The following ALDH1A1 variants were observed in gnomAD, a reference collection of about 807,000 sequenced individuals.
ALDH1A1 encodes aldehyde dehydrogenase 1 family member A1, also known as aldehyde dehydrogenase 1A1.
In ALDH1A1, 19 loss-of-function variants were observed where a neutral mutation model predicts 62.1. The ratio of observed to expected loss-of-function variants is 0.31; its 90% CI spans 0.21 to 0.45. The LOEUF is 0.45. Among genes scored for constraint, ALDH1A1 ranks in the 20% least tolerant of loss-of-function variants. The probability of loss-of-function intolerance (pLI) is 1.00; values close to 1 mark genes in which losing one functional copy is unlikely to be tolerated. For synonymous variants in ALDH1A1, 231 were observed against 215.9 expected (o/e 1.07, Z -0.61); for missense variants, 521 against 607.1 (o/e 0.86, Z 1.49).
chr9:72,934,155 C>T (rs1830319726), intron 2 of ALDH1A1, among the ~76,000 whole-genome samples: 1 of 152,126 alleles, frequency 6.6e-6, no homozygotes, highest in South Asian at 2.1e-4. Flanking sequence ...TTCCTGGGTT[C>T]AAGCAACCTG....
intron 7 of ALDH1A1, among the ~76,000 whole-genome samples, chr9:72,922,212 T>G (rs1179766550): frequency 6.6e-6 from 1 of 152,188 alleles, no homozygotes; most frequent in African/African-American, 2.4e-5. Flanking sequence ...AATTGTATTC[T>G]GTACAACTCA....
At chr9:72,937,519 A>G (rs889619329) in intron 2 of ALDH1A1, among the ~76,000 whole-genome samples, 1 of 152,192 alleles carries the variant, frequency 6.6e-6, no homozygotes, top group Non-Finnish European at 1.5e-5. Context: ...AGCATTTTCT[A>G]TCTCCTCATT....
intron 2 of ALDH1A1, among the ~76,000 whole-genome samples, chr9:72,935,083 T>C (rs1830332225): frequency 6.6e-6 from 1 of 152,210 alleles, no homozygotes; most frequent in Non-Finnish European, 1.5e-5. Context: ...CCTTACATAA[T>C]TAATTTAACT....
At chr9:72,952,614 T>A (rs1361847870) in intron 1 of ALDH1A1, among the ~76,000 whole-genome samples, 8 of 151,996 alleles carry the variant, frequency 5.3e-5, no homozygotes, top group Admixed American at 3.3e-4. Flanking sequence ...TTTGCTCTCT[T>A]ATCATACATG....
chr9:72,923,804 A>G (rs910593902), intron 7 of ALDH1A1: 11 of 352,296 alleles, frequency 3.1e-5, no homozygotes, highest in African/African-American at 6.4e-5. Flanking sequence ...TACTAAAAAT[A>G]GTTTACTCTC....
chr9:72,919,177 C>A (rs755922481), intron 7 of ALDH1A1, among the ~76,000 whole-genome samples: 6 of 152,098 alleles, frequency 3.9e-5, no homozygotes, highest in Non-Finnish European at 8.8e-5. Flanking sequence ...AGATATAGAA[C>A]ACGGATAAGT....
At chr9:72,917,855 G>A (rs1455396836) in intron 8 of ALDH1A1, among the ~76,000 whole-genome samples, 1 of 152,044 alleles carries the variant, frequency 6.6e-6, no homozygotes, top group African/African-American at 2.4e-5. Flanking sequence ...ATAGCAACTG[G>A]GTATGATTAT....
At chr9:72,917,386 C>A (rs2118510380) in intron 8 of ALDH1A1, among the ~76,000 whole-genome samples, 1 of 151,972 alleles carries the variant, frequency 6.6e-6, no homozygotes, top group East Asian at 1.9e-4. Flanking sequence ...GAGACCAAAT[C>A]TCTTTGGAAA....
At chr9:72,909,479 G>A (rs1829952312) in intron 11 of ALDH1A1, 123 bp downstream of exon 11, 2 of 970,646 alleles carry the variant, frequency 2.1e-6, no homozygotes, top group South Asian at 2.2e-5. Flanking sequence ...TTTCAAGGCA[G>A]CAACTGCTTT....
At position 72,925,358 on chromosome 9, in the gene ALDH1A1, G is replaced by A. The variant is rs550293908; in HGVS notation, c.633+126C>T. 431 of 1,092,100 alleles carry A rather than the reference G, an allele frequency of 3.9e-4. 7 individuals are homozygous for A. The South Asian group carries it at 6.9e-3, about 18-fold the overall frequency. 67.7% of individuals were successfully genotyped at this position (1,092,100 alleles called of 1,614,324 possible). On this transcript the variant is annotated intron_variant, in intron 6 of 12. Transcript: ENST00000297785. ...ATTGCAGCCAGCCGTCATGCTAAAT[G>A]TATTCCCCCCACTGGACAGGAGCCA... is the stretch of plus-strand genomic sequence containing the variant.
intron 9 of ALDH1A1, 127 bp downstream of exon 9, chr9:72,916,793 C>T (rs1269941702): frequency 5.7e-6 from 4 of 701,580 alleles, no homozygotes; most frequent in Non-Finnish European, 8.3e-6. Flanking sequence ...AAACACCAAA[C>T]TGGCACAGCA....
At chr9:72,903,489 G>A (rs1183532949) in intron 12 of ALDH1A1, among the ~76,000 whole-genome samples, 1 of 151,644 alleles carries the variant, frequency 6.6e-6, no homozygotes, top group African/African-American at 2.4e-5. Context: ...TGAGGTTATC[G>A]CCTGAGTAAT....
intron 11 of ALDH1A1, among the ~76,000 whole-genome samples, chr9:72,908,583 GA>G (rs1310285541): frequency 3.1e-5 from 4 of 129,100 alleles, no homozygotes; most frequent in South Asian, 2.8e-4. Flanking sequence ...AAGAAAGAAA[GA>G]AAGAAAGAAA....
Position 72,930,945 on chromosome 9 carries a change from A to G in ALDH1A1, c.246T>C (p.Ala82=), listed in dbSNP as rs1426509917. 6.2e-7 allele frequency: 1 copy of G among 1,614,078 alleles called. No individual in the cohort carries two copies. The highest frequency in any genetic ancestry group is 2.2e-5 in the East Asian group (1 of 44,868). The change falls in exon 3 of 13, where the codon GCT becomes GCC. Residue 82 remains alanine, a synonymous_variant. Coordinates refer to ENST00000297785, the MANE Select transcript of ALDH1A1 (RefSeq NM_000689.5). ...QIGSPWRTMD[A]SERGRLLYKL... Reference sequence around the variant, plus strand: ...TGTATAATAGTCGCCCCCTCTCGGAAGCATCCATAGTACGCCACGGGGATC... The same window carrying G: ...TGTATAATAGTCGCCCCCTCTCGGAGGCATCCATAGTACGCCACGGGGATC...
At chr9:72,930,079 C>T (rs540054753) in intron 3 of ALDH1A1, among the ~76,000 whole-genome samples, 3 of 152,130 alleles carry the variant, frequency 2.0e-5, no homozygotes, top group Non-Finnish European at 4.4e-5. Flanking sequence ...AAAATGTAGA[C>T]TTCTTTGTTA....
chr9:72,901,392 A>G, intron 12 of ALDH1A1, 112 bp from the exon 13 acceptor site: 1 of 680,386 alleles, frequency 1.5e-6, no homozygotes, highest in Non-Finnish European at 2.5e-6. Flanking sequence ...GGGACAATAG[A>G]AAATATTTCT....
At chr9:72,903,904 A>T (rs1266118647) in intron 12 of ALDH1A1, among the ~76,000 whole-genome samples, 1 of 152,044 alleles carries the variant, frequency 6.6e-6, no homozygotes, top group Admixed American at 6.6e-5. Flanking sequence ...GAGTAATCTA[A>T]CCTTTGTTCT....
intron 9 of ALDH1A1, among the ~76,000 whole-genome samples, chr9:72,912,581 G>A (rs892513967): frequency 4.6e-5 from 7 of 152,226 alleles, no homozygotes; most frequent in South Asian, 4.1e-4. Flanking sequence ...GAAGACTCCC[G>A]AGCCTCTGTT....
intron 10 of ALDH1A1, among the ~76,000 whole-genome samples, chr9:72,911,520 C>T (rs576463861): frequency 6.6e-6 from 1 of 152,292 alleles, no homozygotes; most frequent in South Asian, 2.1e-4. Flanking sequence ...TCATCCTCCA[C>T]TCCCCCAAGC....
Sources: gnomAD v4.1 joint callset for allele counts (sites outside exome capture counted in the v4.1 genomes callset) on GRCh38, gnomAD v4.1.1 for gene constraint, MANE v1.5 for transcripts, NCBI Gene and HGNC (gene_info 2026-07-23, HGNC 2026-07-21) for gene names.